AR: variants seen among roughly 807,000 people sequenced by gnomAD.
The protein encoded by AR is androgen receptor.
Under a neutral mutation model 53.9 loss-of-function variants are expected in AR, and 8 were observed. The ratio of observed to expected loss-of-function variants is 0.15; its 90% CI spans 0.09 to 0.27. AR has a LOEUF of 0.27. Among genes scored for constraint, AR ranks in the 10% least tolerant of loss-of-function variants. The pLI, the probability that AR is intolerant of heterozygous loss-of-function variation, is 1.00. For missense variants in AR, 639 were observed against 742.5 expected, an observed-to-expected ratio of 0.86 and a Z score of 1.62; for synonymous variants, 359 against 316.4, an observed-to-expected ratio of 1.13 and a Z score of -1.43.
At chrX:67,710,022 AGC>A (rs2076087130) in intron 3 of AR, among the ~76,000 whole-genome samples, 1 of 110,796 alleles carries the variant, frequency 9.0e-6, no homozygotes, top group Non-Finnish European at 1.9e-5. Flanking sequence ...CGTCTCCAAG[AGC>A]TTTAACTATC....
chrX:67,653,769 A>T (rs1363478338), intron 2 of AR, among the ~76,000 whole-genome samples: 2 of 110,789 alleles, frequency 1.8e-5, no homozygotes, highest in African/African-American at 3.3e-5. Flanking sequence ...AAAGCACCAG[A>T]TTGGGGCTCT....
chrX:67,547,818 G>C (rs762226481), intron 1 of AR, among the ~76,000 whole-genome samples: 6 of 111,597 alleles, frequency 5.4e-5, no homozygotes, highest in Non-Finnish European at 9.4e-5. Flanking sequence ...AACTCTTAAT[G>C]ACCTATGAGC....
chrX:67,662,981 ATCT>A (rs1177426881), intron 2 of AR, among the ~76,000 whole-genome samples: 2 of 111,365 alleles, frequency 1.8e-5, no homozygotes, highest in Non-Finnish European at 3.8e-5. Context: ...TGCTTGATAA[ATCT>A]TCTTCCATCC....
intron 1 of AR, among the ~76,000 whole-genome samples, chrX:67,609,133 C>T (rs1473703423): frequency 1.8e-5 from 2 of 111,235 alleles, no homozygotes; most frequent in Non-Finnish European, 3.8e-5. Flanking sequence ...TGTACTATAT[C>T]ATTTTTCTCT....
chrX:67,609,784 C>T (rs182754589), intron 1 of AR, among the ~76,000 whole-genome samples: 6 of 111,317 alleles, frequency 5.4e-5, no homozygotes, highest in African/African-American at 1.3e-4. Context: ...ATAATTCAGA[C>T]GTATTCTCCG....
At chrX:67,649,302 C>T (rs1926217278) in intron 2 of AR, among the ~76,000 whole-genome samples, 1 of 112,165 alleles carries the variant, frequency 8.9e-6, no homozygotes, top group African/African-American at 3.2e-5. Flanking sequence ...GGTTCCAAGT[C>T]TGTGCTATTG....
intron 3 of AR, chrX:67,695,164 G>C (rs1007755613): frequency 1.3e-6 from 1 of 755,810 alleles, no homozygotes; most frequent in South Asian, 6.8e-5. Context: ...TGTCACCTTG[G>C]ACAAGAAGCA....
At chrX:67,672,274 G>T (rs904534611) in intron 2 of AR, among the ~76,000 whole-genome samples, 2 of 110,903 alleles carry the variant, frequency 1.8e-5, no homozygotes, top group African/African-American at 6.6e-5. Context: ...CTCCATCCAG[G>T]TGTCTTGTTT....
intron 2 of AR, among the ~76,000 whole-genome samples, chrX:67,651,231 T>A (rs1692629231): frequency 9.5e-6 from 1 of 105,298 alleles, no homozygotes; most frequent in Non-Finnish European, 2.0e-5. Flanking sequence ...GTATTTTTAG[T>A]AGAGACAGGG....
intron 1 of AR, among the ~76,000 whole-genome samples, chrX:67,640,815 C>T (rs1925719611): frequency 9.0e-6 from 1 of 111,392 alleles, no homozygotes; most frequent in African/African-American, 3.3e-5. Context: ...TCAGCATTAT[C>T]ATTATCATCT....
intron 5 of AR, among the ~76,000 whole-genome samples, chrX:67,718,586 A>T (rs1169864018): frequency 1.6e-4 from 18 of 111,110 alleles, no homozygotes; most frequent in African/African-American, 5.9e-4. Context: ...AGTAGGCAAG[A>T]AGGAAAAAAA....
intron 2 of AR, among the ~76,000 whole-genome samples, chrX:67,652,466 A>G (rs1926390290): frequency 8.9e-6 from 1 of 112,395 alleles, no homozygotes; most frequent in African/African-American, 3.2e-5. Context: ...AAGGAAGGGA[A>G]TTTAGAAATC....
chrX:67,705,940 A>T (rs1033257678), intron 3 of AR, among the ~76,000 whole-genome samples: 34 of 111,693 alleles, frequency 3.0e-4, no homozygotes, highest in African/African-American at 1.1e-3. Context: ...TTGTATGCTC[A>T]ATTACATTTA....
intron 7 of AR, 114 bp from the exon 8 acceptor site, chrX:67,723,572 G>A: frequency 1.2e-6 from 1 of 835,458 alleles, no homozygotes; most frequent in Non-Finnish European, 1.8e-6. Flanking sequence ...GGAAGTACGG[G>A]GAAGGGGGAG....
At chrX:67,593,820 T>A (rs1429131177) in intron 1 of AR, among the ~76,000 whole-genome samples, 1 of 112,326 alleles carries the variant, frequency 8.9e-6, no homozygotes, top group Non-Finnish European at 1.9e-5. Context: ...TTGAACATGT[T>A]TTTGCAACTG....
In AR at chrX:67,630,779, G is replaced by A. The variant is rs182487128; in HGVS notation, c.1617-12477G>A. 5.0e-3 allele frequency among the ~76,000 whole-genome samples: 550 copies of A among 110,388 alleles called. 2 individuals are homozygous for A. Among genetic ancestry groups the A allele is most frequent in the East Asian group, 0.017 (58 of 3,489 alleles). On this transcript the variant is annotated intron_variant, in intron 1 of 7. Transcript: ENST00000374690. ...GCATGATTTTGCAGCGGCTGGTACC[G>A]GTCGTTCCTTTCCATGTTTAGTGCT...
chrX:67,603,476 A>C (rs1198579013), intron 1 of AR, among the ~76,000 whole-genome samples: 2 of 111,854 alleles, frequency 1.8e-5, no homozygotes, highest in Non-Finnish European at 3.8e-5. Context: ...TTAGGATTTG[A>C]ATAGGAGAAG....
At chrX:67,566,627 T>G (rs2147342263) in intron 1 of AR, among the ~76,000 whole-genome samples, 1 of 111,109 alleles carries the variant, frequency 9.0e-6, no homozygotes, top group African/African-American at 3.3e-5. Context: ...TCCTGGTGAG[T>G]CCCAACTTTC....
chrX:67,661,180 C>G (rs1301621890), intron 2 of AR, among the ~76,000 whole-genome samples: 3 of 111,547 alleles, frequency 2.7e-5, no homozygotes, highest in Admixed American at 1.9e-4. Flanking sequence ...TTGACTTCCT[C>G]TTTTCCTAAT....
Sources: gnomAD v4.1 joint callset for allele counts (sites outside exome capture counted in the v4.1 genomes callset) on GRCh38, gnomAD v4.1.1 for gene constraint, MANE v1.5 for transcripts, NCBI Gene and HGNC (gene_info 2026-07-23, HGNC 2026-07-21) for gene names.